The following PRKG1 variants were observed in gnomAD, a reference collection of about 807,000 sequenced individuals.
PRKG1 encodes protein kinase cGMP-dependent 1, also known as cGMP-dependent protein kinase 1.
In PRKG1, 35 loss-of-function variants were observed where a neutral mutation model predicts 88.1. The ratio of observed to expected loss-of-function variants is 0.40; its 90% CI spans 0.30 to 0.53. PRKG1 has a LOEUF of 0.53. Ranked by LOEUF, PRKG1 falls within the 20% of genes least tolerant of loss-of-function variation. The pLI, the probability that PRKG1 is intolerant of heterozygous loss-of-function variation, is 0.59. For synonymous variants in PRKG1, 303 were observed against 292.5 expected (o/e 1.04, Z -0.37); for missense variants, 540 against 839.8 (o/e 0.64, Z 4.41).
chr10:51,239,428 T>A (rs1312294368), intron 2 of PRKG1, among the ~76,000 whole-genome samples: 1 of 152,246 alleles, frequency 6.6e-6, no homozygotes, highest in Non-Finnish European at 1.5e-5. Flanking sequence ...ATTTCTTTTA[T>A]AATGGAGCCT....
At chr10:51,803,087 C>T (rs909234248) in intron 3 of PRKG1, among the ~76,000 whole-genome samples, 1 of 152,102 alleles carries the variant, frequency 6.6e-6, no homozygotes, top group Non-Finnish European at 1.5e-5. Flanking sequence ...GGAATCCTCT[C>T]CTGATTTCCC....
intron 3 of PRKG1, among the ~76,000 whole-genome samples, chr10:51,678,771 T>TCAA (rs1564603089): frequency 2.2e-4 from 33 of 152,348 alleles, no homozygotes; most frequent in African/African-American, 6.0e-4. Context: ...ACATGATCCC[T>TCAA]GGAGCTCAAG....
At chr10:52,089,916 G>A (rs926210748) in intron 7 of PRKG1, among the ~76,000 whole-genome samples, 7 of 140,646 alleles carry the variant, frequency 5.0e-5, no homozygotes, top group African/African-American at 1.8e-4. Context: ...CCACGTTCAA[G>A]TGATTCTCCT....
intron 1 of PRKG1, among the ~76,000 whole-genome samples, chr10:51,064,992 T>C (rs1021793461): frequency 6.6e-6 from 1 of 152,116 alleles, no homozygotes; most frequent in South Asian, 2.1e-4. Flanking sequence ...TCTTGAACTT[T>C]GTTTAAATCT....
chr10:51,332,338 A>G (rs1369571676), intron 2 of PRKG1, among the ~76,000 whole-genome samples: 3 of 152,304 alleles, frequency 2.0e-5, no homozygotes, highest in African/African-American at 7.2e-5. Flanking sequence ...AAAATGGGCC[A>G]TGCTATTCCT....
chr10:52,105,505 C>T (rs1374836315), intron 7 of PRKG1, among the ~76,000 whole-genome samples: 2 of 152,124 alleles, frequency 1.3e-5, no homozygotes, highest in East Asian at 1.9e-4. Context: ...GGTGCTATGC[C>T]GGACTGCAGA....
At chr10:51,696,228 T>G (rs1173090006) in intron 3 of PRKG1, 1 of 150,910 alleles carries the variant, frequency 6.6e-6, no homozygotes, top group Non-Finnish European at 1.5e-5. Context: ...GATTATGAAA[T>G]AAGAAAACTA....
intron 3 of PRKG1, among the ~76,000 whole-genome samples, chr10:51,733,261 G>A (rs144833045): frequency 2.0e-5 from 3 of 152,198 alleles, no homozygotes; most frequent in African/African-American, 7.2e-5. Flanking sequence ...ACTTTCAGAA[G>A]CCTAACACCT....
At chr10:51,548,365 A>G (rs1383503594) in intron 3 of PRKG1, among the ~76,000 whole-genome samples, 1 of 152,140 alleles carries the variant, frequency 6.6e-6, no homozygotes, top group Non-Finnish European at 1.5e-5. Context: ...TGTCTAATAT[A>G]GATAAACATT....
chr10:51,295,379 T>C (rs1840693300), intron 2 of PRKG1, among the ~76,000 whole-genome samples: 1 of 152,164 alleles, frequency 6.6e-6, no homozygotes, highest in Non-Finnish European at 1.5e-5. Flanking sequence ...TATTTTATTC[T>C]TTTTGTTACT....
At chr10:51,218,956 A>G (rs1197055877) in intron 2 of PRKG1, among the ~76,000 whole-genome samples, 1 of 152,176 alleles carries the variant, frequency 6.6e-6, no homozygotes, top group Non-Finnish European at 1.5e-5. Flanking sequence ...TAGTCACTTT[A>G]CCTTGGGCAA....
At chr10:51,985,162 T>C (rs1844121803) in intron 5 of PRKG1, among the ~76,000 whole-genome samples, 1 of 152,200 alleles carries the variant, frequency 6.6e-6, no homozygotes. Context: ...TTTGTTAAAC[T>C]TGTTCTTTTT....
intron 2 of PRKG1, among the ~76,000 whole-genome samples, chr10:51,426,425 C>T (rs754149470): frequency 6.6e-6 from 1 of 152,110 alleles, no homozygotes; most frequent in Non-Finnish European, 1.5e-5. Flanking sequence ...TTTCTATAAG[C>T]AGTAGGACAA....
At chr10:51,166,878 C>T (rs955687394) in intron 2 of PRKG1, among the ~76,000 whole-genome samples, 1 of 152,112 alleles carries the variant, frequency 6.6e-6, no homozygotes, top group Non-Finnish European at 1.5e-5. Flanking sequence ...TTTGTATATT[C>T]CTCAAAGAGA....
At chr10:51,381,807 T>C (rs907385989) in intron 2 of PRKG1, among the ~76,000 whole-genome samples, 5 of 152,242 alleles carry the variant, frequency 3.3e-5, no homozygotes, top group African/African-American at 1.2e-4. Flanking sequence ...GAAGGATGCC[T>C]AATGTTTTAG....
chr10:51,899,844 C>T lies in PRKG1; in HGVS notation c.699-7663C>T, dbSNP rs376669521. On this transcript the variant is annotated intron_variant, in intron 4 of 17. Transcript: ENST00000373980. ...ACTGAGTGGGTTGTGTTGGATCATG[C>T]GGTTGCATACCTCATGAGTGGGTTA... Among the ~76,000 whole-genome samples, 6 of 151,812 alleles carry T rather than the reference C, an allele frequency of 4.0e-5. No individual in the cohort carries two copies. The East Asian group carries it at 9.7e-4, about 24-fold the overall frequency.
At chr10:51,163,708 C>G (rs4381319) in intron 2 of PRKG1, among the ~76,000 whole-genome samples, 5 of 152,200 alleles carry the variant, frequency 3.3e-5, no homozygotes, top group Admixed American at 1.3e-4. Flanking sequence ...TGCGCTTTTC[C>G]GACGGGCTTA....
chr10:51,356,724 G>T (rs1166835338), intron 2 of PRKG1, among the ~76,000 whole-genome samples: 1 of 151,836 alleles, frequency 6.6e-6, no homozygotes, highest in Non-Finnish European at 1.5e-5. Context: ...CTCTAATTCT[G>T]CTTTTTACTA....
chr10:52,065,583 C>T (rs1187703746), intron 7 of PRKG1, among the ~76,000 whole-genome samples: 1 of 152,090 alleles, frequency 6.6e-6, no homozygotes, highest in South Asian at 2.1e-4. Flanking sequence ...GGCTATATTA[C>T]CTTATGAAAA....
Sources: allele counts gnomAD v4.1 joint callset (sites outside exome capture counted in the v4.1 genomes callset), GRCh38; gene constraint gnomAD v4.1.1; transcripts MANE v1.5; gene names NCBI Gene and HGNC (gene_info 2026-07-23, HGNC 2026-07-21).